The following PPARGC1A variants were observed in gnomAD, a reference collection of about 807,000 sequenced individuals.
PPARGC1A encodes the protein peroxisome proliferator-activated receptor gamma coactivator 1-alpha.
Under a neutral mutation model 88.7 loss-of-function variants are expected in PPARGC1A, and 25 were observed. The observed-to-expected ratio is 0.28, with a 90% confidence interval of 0.21 to 0.39. The LOEUF is 0.39. Among genes scored for constraint, PPARGC1A ranks in the 10% least tolerant of loss-of-function variants. PPARGC1A has a pLI of 1.00. For synonymous variants in PPARGC1A, 363 were observed against 355.6 expected, an observed-to-expected ratio of 1.02 and a Z score of -0.24; for missense variants, 880 against 968.7, an observed-to-expected ratio of 0.91 and a Z score of 1.22.
chr4:24,385,312 C>T, the PPARGC1A span, among the ~76,000 whole-genome samples: 2 of 152,040 alleles, frequency 1.3e-5, no homozygotes, highest in African/African-American at 2.4e-5. Flanking sequence ...AATCGACACC[C>T]TAATATCACA....
chr4:24,287,683 G>A, the PPARGC1A span, among the ~76,000 whole-genome samples: 1 of 146,064 alleles, frequency 6.8e-6, no homozygotes, highest in African/African-American at 2.6e-5. Flanking sequence ...CTCATCTGGT[G>A]CACTTTCCAT....
intron 2 of PPARGC1A, 97 bp from the exon 3 acceptor site, chr4:23,831,848 G>A (rs1447556804): frequency 1.4e-5 from 13 of 942,358 alleles, no homozygotes; most frequent in Non-Finnish European, 2.0e-5. Context: ...AACCATACGT[G>A]AAATCTAGAA....
At chr4:23,992,897 C>T in the PPARGC1A span, among the ~76,000 whole-genome samples, 2 of 151,812 alleles carry the variant, frequency 1.3e-5, no homozygotes, top group African/African-American at 2.4e-5. Context: ...TTCAATTAAA[C>T]ACATTTAATT....
chr4:24,286,072 T>C, the PPARGC1A span, among the ~76,000 whole-genome samples: 1 of 151,798 alleles, frequency 6.6e-6, no homozygotes, highest in South Asian at 2.1e-4. Flanking sequence ...CCTGAACCCA[T>C]ACAGGCTTTC....
At chr4:24,213,001 ATCAGCCT>A in the PPARGC1A span, among the ~76,000 whole-genome samples, 1 of 152,062 alleles carries the variant, frequency 6.6e-6, no homozygotes, top group Non-Finnish European at 1.5e-5. Flanking sequence ...ACAGGACAAA[ATCAGCCT>A]TGTTGGTGGA....
At chr4:24,285,915 GT>G in the PPARGC1A span, among the ~76,000 whole-genome samples, 1 of 152,200 alleles carries the variant, frequency 6.6e-6, no homozygotes, top group Non-Finnish European at 1.5e-5. Flanking sequence ...AGCAGCAGCA[GT>G]GGTTGCACTG....
the PPARGC1A span, among the ~76,000 whole-genome samples, chr4:23,960,177 T>G: frequency 6.6e-6 from 1 of 152,234 alleles, no homozygotes; most frequent in South Asian, 2.1e-4. Context: ...GTCTAAATAT[T>G]TATTCTTTTG....
the PPARGC1A span, among the ~76,000 whole-genome samples, chr4:24,228,556 G>A: frequency 5.9e-5 from 9 of 152,114 alleles, no homozygotes; most frequent in South Asian, 4.2e-4. Flanking sequence ...TGCTCGGTAC[G>A]TGGGTGACAG....
At chr4:24,395,659 G>C in the PPARGC1A span, among the ~76,000 whole-genome samples, 1 of 152,156 alleles carries the variant, frequency 6.6e-6, no homozygotes, top group Non-Finnish European at 1.5e-5. Flanking sequence ...TTAATTTGTG[G>C]ATTACCACAC....
the PPARGC1A span, among the ~76,000 whole-genome samples, chr4:24,208,449 T>C: frequency 1.3e-5 from 2 of 152,092 alleles, no homozygotes; most frequent in African/African-American, 4.8e-5. Flanking sequence ...CTAGGGGCAT[T>C]ACCTAGCCAG....
chr4:24,025,259 A>G, the PPARGC1A span, among the ~76,000 whole-genome samples: 2 of 152,198 alleles, frequency 1.3e-5, no homozygotes, highest in Admixed American at 6.5e-5. Flanking sequence ...GCATGAGGAA[A>G]GAGAAATAGA....
the PPARGC1A span, among the ~76,000 whole-genome samples, chr4:24,038,293 G>A: frequency 6.6e-6 from 1 of 152,134 alleles, no homozygotes; most frequent in African/African-American, 2.4e-5. Flanking sequence ...TCACTTCCAC[G>A]TGAGATTACT....
At chr4:24,336,971 T>C in the PPARGC1A span, among the ~76,000 whole-genome samples, 1 of 152,318 alleles carries the variant, frequency 6.6e-6, no homozygotes, top group Admixed American at 6.5e-5. Flanking sequence ...TGCAAAAAGT[T>C]ATTTCTGCAA....
the PPARGC1A span, among the ~76,000 whole-genome samples, chr4:24,164,325 A>C: frequency 6.6e-6 from 1 of 152,158 alleles, no homozygotes; most frequent in African/African-American, 2.4e-5. Context: ...CCTGGATGAG[A>C]CCACATTTTA....
the PPARGC1A span, among the ~76,000 whole-genome samples, chr4:23,990,957 A>C: frequency 6.6e-6 from 1 of 152,120 alleles, no homozygotes; most frequent in Admixed American, 6.6e-5. Context: ...GTATCTAAAC[A>C]GCTCACCCTA....
the PPARGC1A span, among the ~76,000 whole-genome samples, chr4:24,104,923 C>T: frequency 6.6e-6 from 1 of 152,180 alleles, no homozygotes; most frequent in Non-Finnish European, 1.5e-5. Context: ...TACTTCCCTT[C>T]CCTGAGCCTC....
intron 10 of PPARGC1A, among the ~76,000 whole-genome samples, chr4:23,809,381 T>C (rs554479619): frequency 1.9e-4 from 29 of 152,326 alleles, no homozygotes; most frequent in South Asian, 1.0e-3. Context: ...GCATGAATTA[T>C]AGGACCCTTT....
the PPARGC1A span, among the ~76,000 whole-genome samples, chr4:24,142,719 G>T: frequency 2.0e-5 from 3 of 152,050 alleles, no homozygotes; most frequent in Admixed American, 1.3e-4. Context: ...GGTCAGGGAA[G>T]ATCTCACAGA....
chr4:24,099,546 G>A, the PPARGC1A span, among the ~76,000 whole-genome samples: 7 of 152,138 alleles, frequency 4.6e-5, no homozygotes, highest in South Asian at 2.1e-4. Flanking sequence ...GGAGCCGGGG[G>A]ATTGCTAAAC....
Sources: gnomAD v4.1 joint callset for allele counts (sites outside exome capture counted in the v4.1 genomes callset) on GRCh38, gnomAD v4.1.1 for gene constraint, MANE v1.5 for transcripts, NCBI Gene and HGNC (gene_info 2026-07-23, HGNC 2026-07-21) for gene names.